SPPL3: variants seen among roughly 807,000 people sequenced by gnomAD.
The protein encoded by SPPL3 is signal peptide peptidase-like 3.
Under a neutral mutation model 42.4 loss-of-function variants are expected in SPPL3, and 5 were observed. That is an observed-to-expected ratio of 0.12 (90% confidence interval 0.06 to 0.25). SPPL3 has a LOEUF of 0.25. Among genes scored for constraint, SPPL3 ranks in the 10% least tolerant of loss-of-function variants. The pLI is 1.00. For synonymous variants in SPPL3, 195 were observed against 181.8 expected (o/e 1.07, Z -0.58); for missense variants, 235 against 489.0 (o/e 0.48, Z 4.90).
chr12:120,808,607 T>C (rs2136999966), intron 2 of SPPL3, among the ~76,000 whole-genome samples: 1 of 152,282 alleles, frequency 6.6e-6, no homozygotes, highest in East Asian at 1.9e-4. Flanking sequence ...TAAAAGCAAA[T>C]ACTCCATAAA....
In SPPL3 at chr12:120,782,698, G is replaced by A. The variant is rs759774947; in HGVS notation, c.459C>T (p.Leu153=). 27 of 1,611,634 alleles carry A rather than the reference G, an allele frequency of 1.7e-5. No homozygotes were observed. Among genetic ancestry groups the A allele is most frequent in the Non-Finnish European group, 2.0e-5 (23 of 1,178,756 alleles). ...GGCCAGTGAGAACCCAGATGAGGAC[G>A]AGCATGACAGACAGAGAGAATGACA... ...ELLSFSLSVM[L]VLIWVLTGHW... The change falls in exon 6 of 11, where the codon CTC becomes CTT. Residue 153 remains leucine (L), a synonymous_variant. Transcript: ENST00000353487.
intron 1 of SPPL3, among the ~76,000 whole-genome samples, chr12:120,817,091 A>C (rs1229684677): frequency 6.6e-6 from 1 of 151,702 alleles, no homozygotes; most frequent in Non-Finnish European, 1.5e-5. Flanking sequence ...GGAGTTCAAG[A>C]CCAGCCTGGG....
In SPPL3 at chr12:120,842,379, C is replaced by G. The variant is rs527421141; in HGVS notation, c.24-31493G>C. 4.6e-5 allele frequency among the ~76,000 whole-genome samples: 7 copies of G among 152,142 alleles called. No individual in the cohort carries two copies. In the East Asian group the frequency reaches 1.4e-3, roughly 29 times the overall value. The stretch of plus-strand genomic sequence containing the variant: ...GAACATTACACTATACACTAAGAGG[C>G]TACAGAAAATGGAGGAGAAGAGTTT... On this transcript the variant is annotated intron_variant, in intron 1 of 10. Transcript: ENST00000353487.
At chr12:120,826,795 G>A (rs1197417126) in intron 1 of SPPL3, among the ~76,000 whole-genome samples, 1 of 152,012 alleles carries the variant, frequency 6.6e-6, no homozygotes, top group East Asian at 1.9e-4. Flanking sequence ...CTGGAGTCCT[G>A]CTGTCCAGGA....
Position 120,877,007 on chromosome 12 carries a change from C to T in SPPL3, c.23+26838G>A, listed in dbSNP as rs141548799. Among the ~76,000 whole-genome samples the T allele has an allele frequency of 1.5e-3, 221 of 151,732 alleles. 1 individual carries two copies. Among genetic ancestry groups the T allele is most frequent in the Non-Finnish European group, 1.4e-3 (97 of 67,950 alleles). On this transcript the variant is annotated intron_variant, in intron 1 of 10. Transcript: ENST00000353487. ...AAGGGAGAAGTACAAATTACTAACA[C>T]TAGGAATGAAAGAAGGAACATCACA... is the stretch of plus-strand genomic sequence containing the variant.
chr12:120,816,746 T>A (rs1870889430), intron 1 of SPPL3, among the ~76,000 whole-genome samples: 2 of 152,124 alleles, frequency 1.3e-5, no homozygotes, highest in South Asian at 4.1e-4. Flanking sequence ...TGAATCTCTG[T>A]GATTATTAGT....
intron 1 of SPPL3, among the ~76,000 whole-genome samples, chr12:120,840,349 CA>C (rs1178030364): frequency 2.5e-5 from 3 of 118,596 alleles, no homozygotes; most frequent in Non-Finnish European, 5.3e-5. Context: ...ACCCTAAAAA[CA>C]TGAAAGCTAA....
intron 2 of SPPL3, chr12:120,791,822 T>C (rs555472989): frequency 2.8e-6 from 1 of 361,460 alleles, no homozygotes; most frequent in South Asian, 2.9e-5. Context: ...ATATCCTTAA[T>C]TACTTCCTTA....
At chr12:120,787,777 T>C (rs978588374) in intron 3 of SPPL3, among the ~76,000 whole-genome samples, 10 of 152,282 alleles carry the variant, frequency 6.6e-5, no homozygotes, top group South Asian at 2.1e-4. Context: ...TTTATATGCA[T>C]TGAGTTATGT....
intron 1 of SPPL3, among the ~76,000 whole-genome samples, chr12:120,838,368 T>A (rs1871691946): frequency 6.6e-6 from 1 of 152,188 alleles, no homozygotes; most frequent in South Asian, 2.1e-4. Context: ...GAACCCTGAT[T>A]TGGACTGTAC....
At chr12:120,781,556 T>TG (rs1491462310) in intron 6 of SPPL3, among the ~76,000 whole-genome samples, 108 of 2,698 alleles carry the variant, frequency 0.04, 2 homozygotes, top group Non-Finnish European at 0.081. Flanking sequence ...TATTGTTACG[T>TG]TTTTTTTTTT....
chr12:120,796,240 G>A (rs1256270073), intron 2 of SPPL3, among the ~76,000 whole-genome samples: 1 of 152,068 alleles, frequency 6.6e-6, no homozygotes, highest in African/African-American at 2.4e-5. Flanking sequence ...GCCAGGCATG[G>A]TGGCACAAAC....
At chr12:120,779,261 G>A (rs1250528737) in intron 6 of SPPL3, among the ~76,000 whole-genome samples, 1 of 152,104 alleles carries the variant, frequency 6.6e-6, no homozygotes, top group Non-Finnish European at 1.5e-5. Flanking sequence ...GGTGGCTCTG[G>A]GCTCAGACAA....
At chr12:120,798,501 C>G (rs1870182223) in intron 2 of SPPL3, among the ~76,000 whole-genome samples, 1 of 152,160 alleles carries the variant, frequency 6.6e-6, no homozygotes, top group Admixed American at 6.5e-5. Flanking sequence ...CTTCTATGAT[C>G]TTTTAAGCTT....
intron 1 of SPPL3, among the ~76,000 whole-genome samples, chr12:120,860,141 T>C (rs1041703732): frequency 5.9e-5 from 9 of 152,172 alleles, no homozygotes; most frequent in Non-Finnish European, 1.3e-4. Flanking sequence ...AAATCTGGGC[T>C]GCAGTGAGCC....
At chr12:120,849,780 G>A (rs761158525) in intron 1 of SPPL3, among the ~76,000 whole-genome samples, 1 of 152,132 alleles carries the variant, frequency 6.6e-6, no homozygotes, top group Admixed American at 6.5e-5. Flanking sequence ...TACAGGTTCT[G>A]GATCTTCTCA....
chr12:120,839,578 TTAAA>T (rs1318928497), intron 1 of SPPL3, among the ~76,000 whole-genome samples: 1 of 152,152 alleles, frequency 6.6e-6, no homozygotes, highest in East Asian at 1.9e-4. Context: ...TTCTTTTTCT[TTAAA>T]TAACCAAAGG....
chr12:120,900,911 G>C (rs1873960803), intron 1 of SPPL3, among the ~76,000 whole-genome samples: 1 of 122,550 alleles, frequency 8.2e-6, no homozygotes, highest in East Asian at 2.4e-4. Context: ...GAAAGAGTGA[G>C]ACCCTGTCTC....
Position 120,904,248 on chromosome 12 carries a change from G to C in SPPL3, c.-381C>G, listed in dbSNP as rs1289327175. ...GCGGGGCCGCGGGAGCGCCGCGCTC[G>C]GGCGGCGGCGGCGGCGGCCGGGGGA... On this transcript the variant is annotated 5_prime_UTR_variant, in exon 1 of 11. Transcript: ENST00000353487. 4 of 177,090 alleles carry C rather than the reference G, an allele frequency of 2.3e-5. No homozygotes were observed. The highest frequency in any genetic ancestry group is 4.6e-5 in the Non-Finnish European group (4 of 86,848). The allele number at this position is 177,090 out of a possible 1,614,324, so 11.0% of individuals were successfully genotyped here.
Sources: allele counts gnomAD v4.1 joint callset (sites outside exome capture counted in the v4.1 genomes callset), GRCh38; gene constraint gnomAD v4.1.1; transcripts MANE v1.5; gene names NCBI Gene and HGNC (gene_info 2026-07-23, HGNC 2026-07-21).